The following CTNND2 variants were observed in gnomAD, a reference collection of about 807,000 sequenced individuals.
CTNND2 encodes catenin delta 2, also known as catenin delta-2.
In CTNND2, 22 loss-of-function variants were observed where a neutral mutation model predicts 144.4. The ratio of observed to expected loss-of-function variants is 0.15; its 90% confidence interval spans 0.11 to 0.22. The LOEUF is 0.22. Ranked by LOEUF, CTNND2 falls within the 10% of genes least tolerant of loss-of-function variation. The pLI, the probability that CTNND2 is intolerant of heterozygous loss-of-function variation, is 1.00. For synonymous variants in CTNND2, 751 were observed against 695.6 expected, an observed-to-expected ratio of 1.08 and a Z score of -1.25; for missense variants, 1,353 against 1,618.8, an observed-to-expected ratio of 0.84 and a Z score of 2.82.
At chr5:11,441,801 G>A (rs551028751) in intron 3 of CTNND2, among the ~76,000 whole-genome samples, 1 of 152,128 alleles carries the variant, frequency 6.6e-6, no homozygotes, top group African/African-American at 2.4e-5. Context: ...CCATCATACT[G>A]TCTTCTCCTT....
intron 15 of CTNND2, among the ~76,000 whole-genome samples, chr5:11,094,384 T>G (rs919242381): frequency 1.3e-5 from 2 of 152,162 alleles, no homozygotes; most frequent in Non-Finnish European, 2.9e-5. Flanking sequence ...ATTCTTATAT[T>G]CAGTTTTCCT....
chr5:11,411,308 G>A (rs1042673612), intron 5 of CTNND2, among the ~76,000 whole-genome samples: 8 of 152,122 alleles, frequency 5.3e-5, no homozygotes, highest in Non-Finnish European at 7.3e-5. Flanking sequence ...TAATTAGTGC[G>A]AAAACTAGAT....
chr5:11,479,265 T>G (rs1768025088), intron 3 of CTNND2, among the ~76,000 whole-genome samples: 1 of 152,196 alleles, frequency 6.6e-6, no homozygotes, highest in African/African-American at 2.4e-5. Flanking sequence ...TTTTCTATTC[T>G]TGCGTTAGTT....
intron 10 of CTNND2, among the ~76,000 whole-genome samples, chr5:11,208,141 T>C (rs560586354): frequency 1.3e-5 from 2 of 152,106 alleles, no homozygotes; most frequent in African/African-American, 2.4e-5. Context: ...ACTTAGGAAA[T>C]AAATATGTTA....
At chr5:11,183,850 C>A (rs527844604) in intron 11 of CTNND2, among the ~76,000 whole-genome samples, 1 of 152,026 alleles carries the variant, frequency 6.6e-6, no homozygotes, top group South Asian at 2.1e-4. Context: ...TGAGCCACCG[C>A]GCCTGGCCTA....
intron 1 of CTNND2, chr5:11,902,909 GAC>G (rs148539153): frequency 1.4e-3 from 207 of 151,406 alleles, no homozygotes; most frequent in African/African-American, 4.1e-3. Context: ...TGTTATTTGT[GAC>G]ACACACACAC....
At chr5:11,101,375 A>C (rs1334733189) in intron 14 of CTNND2, among the ~76,000 whole-genome samples, 2 of 152,224 alleles carry the variant, frequency 1.3e-5, no homozygotes, top group Non-Finnish European at 2.9e-5. Flanking sequence ...TAGTAGGGCA[A>C]TGGTGAAGTT....
At chr5:11,140,748 T>A (rs1756646998) in intron 12 of CTNND2, among the ~76,000 whole-genome samples, 1 of 152,138 alleles carries the variant, frequency 6.6e-6, no homozygotes, top group Admixed American at 6.5e-5. Flanking sequence ...ATCCAATGTA[T>A]AGGAGAAGCC....
At position 11,245,335 on chromosome 5, in the gene CTNND2, G is replaced by A. The variant is rs1307486001; in HGVS notation, c.1629-8512C>T. Among the ~76,000 whole-genome samples the A allele has an allele frequency of 3.3e-5, 5 of 152,198 alleles. No individual in the cohort carries two copies. In the East Asian group the frequency reaches 7.7e-4, roughly 23 times the overall value. On this transcript the variant is annotated intron_variant, in intron 9 of 21. Coordinates refer to ENST00000304623, the MANE Select transcript of CTNND2 (RefSeq NM_001332.4). ...AGAATCTGCTAATGCTGCCTTCTAT[G>A]GCCAAATGGACTTTGCAGATGTGAT...
At chr5:11,602,244 T>A (rs1223566633) in intron 2 of CTNND2, among the ~76,000 whole-genome samples, 1 of 152,122 alleles carries the variant, frequency 6.6e-6, no homozygotes, top group Non-Finnish European at 1.5e-5. Flanking sequence ...AATATCAATA[T>A]AATCATAATT....
chr5:11,157,363 C>T (rs780088810), intron 12 of CTNND2, among the ~76,000 whole-genome samples: 19 of 152,186 alleles, frequency 1.2e-4, no homozygotes, highest in Non-Finnish European at 2.4e-4. Context: ...ACTCTTCAAG[C>T]CTTTTTTGGC....
At chr5:11,884,957 T>C (rs1420137876) in intron 1 of CTNND2, among the ~76,000 whole-genome samples, 1 of 152,106 alleles carries the variant, frequency 6.6e-6, no homozygotes, top group Non-Finnish European at 1.5e-5. Context: ...TGATGTACCA[T>C]AATTAATGAT....
chr5:11,253,390 T>C (rs1376777441), intron 9 of CTNND2, among the ~76,000 whole-genome samples: 2 of 152,222 alleles, frequency 1.3e-5, no homozygotes, highest in Non-Finnish European at 2.9e-5. Flanking sequence ...GTGGGATGGA[T>C]CTGGTGGAAG....
At chr5:11,796,273 C>T (rs1016572669) in intron 1 of CTNND2, among the ~76,000 whole-genome samples, 1 of 152,204 alleles carries the variant, frequency 6.6e-6, no homozygotes, top group Middle Eastern at 3.2e-3. Flanking sequence ...GGGATTAGGA[C>T]AAGGTCATCT....
At chr5:11,699,398 C>A (rs74545357) in intron 2 of CTNND2, among the ~76,000 whole-genome samples, 3,409 of 151,878 alleles carry the variant, frequency 0.022, 130 homozygotes, top group African/African-American at 0.078. Context: ...ATGAGGATGA[C>A]AAAAAGAGGG....
At chr5:11,471,278 A>G (rs1261205096) in intron 3 of CTNND2, among the ~76,000 whole-genome samples, 2 of 151,996 alleles carry the variant, frequency 1.3e-5, no homozygotes, top group Non-Finnish European at 2.9e-5. Flanking sequence ...CACCTGGCCC[A>G]AAGTCTATAA....
chr5:11,038,567 T>C (rs897804578), intron 16 of CTNND2, among the ~76,000 whole-genome samples: 10 of 152,120 alleles, frequency 6.6e-5, no homozygotes, highest in African/African-American at 2.4e-4. Context: ...ACAGGCAGTA[T>C]GGCCAGGAGC....
intron 1 of CTNND2, among the ~76,000 whole-genome samples, chr5:11,885,761 C>G (rs1441190387): frequency 6.6e-6 from 1 of 152,016 alleles, no homozygotes; most frequent in Non-Finnish European, 1.5e-5. Context: ...TTCTTCAGAA[C>G]AGACCGTATG....
intron 3 of CTNND2, among the ~76,000 whole-genome samples, chr5:11,438,168 G>A (rs1247526699): frequency 6.6e-6 from 1 of 152,162 alleles, no homozygotes; most frequent in Non-Finnish European, 1.5e-5. Context: ...GAAGAGGATC[G>A]TCATCTTCAA....
Sources: gnomAD v4.1 joint callset for allele counts (sites outside exome capture counted in the v4.1 genomes callset) on GRCh38, gnomAD v4.1.1 for gene constraint, MANE v1.5 for transcripts, NCBI Gene and HGNC (gene_info 2026-07-23, HGNC 2026-07-21) for gene names.